Variants in TYW1B observed in about 807,000 individuals in gnomAD.
The protein encoded by TYW1B is S-adenosyl-L-methionine-dependent tRNA 4-demethylwyosine synthase TYW1B.
In TYW1B, 73 loss-of-function variants were observed where a neutral mutation model predicts 86.9. That is an observed-to-expected ratio of 0.84 (90% CI 0.70 to 1.02). TYW1B has a LOEUF of 1.02. Among genes scored for constraint, TYW1B ranks in the 50% least tolerant of loss-of-function variants. The pLI, the probability that TYW1B is intolerant of heterozygous loss-of-function variation, is 0.00. For synonymous variants in TYW1B, 248 were observed against 292.8 expected (o/e 0.85, Z 1.56); for missense variants, 637 against 827.4 (o/e 0.77, Z 2.82).
chr7:72,718,009 TG>T (rs1563070593), intron 9 of TYW1B, among the ~76,000 whole-genome samples: 1 of 152,124 alleles, frequency 6.6e-6, no homozygotes, highest in African/African-American at 2.4e-5. Context: ...AAAAAAAACC[TG>T]TACCCACTCG....
At chr7:72,622,941 A>G (rs1484966416) in intron 12 of TYW1B, among the ~76,000 whole-genome samples, 15 of 152,284 alleles carry the variant, frequency 9.9e-5, no homozygotes, top group Non-Finnish European at 2.1e-4. Context: ...TCCTGACCCA[A>G]GGGTTGTTCA....
chr7:72,786,020 A>ATTGCATGAACCCGGGT (rs1788123650), intron 6 of TYW1B, among the ~76,000 whole-genome samples: 1 of 151,756 alleles, frequency 6.6e-6, no homozygotes, highest in Non-Finnish European at 1.5e-5. Context: ...GCTGAGGCAG[A>ATTGCATGAACCCGGGT]ATTGCATGAA....
At chr7:72,622,849 C>T (rs572487481) in intron 12 of TYW1B, among the ~76,000 whole-genome samples, 1 of 152,036 alleles carries the variant, frequency 6.6e-6, no homozygotes, top group South Asian at 2.1e-4. Flanking sequence ...CACAAACACA[C>T]CACGCACTCA....
intron 13 of TYW1B, 36 bp from the exon 14 acceptor site, chr7:72,575,755 A>G (rs1356436196): frequency 6.3e-7 from 1 of 1,584,628 alleles, no homozygotes; most frequent in Non-Finnish European, 8.6e-7. Context: ...CAGAAGTAAA[A>G]ACATCCCTAG....
At chr7:72,812,170 T>C (rs1788634099) in intron 3 of TYW1B, among the ~76,000 whole-genome samples, 1 of 150,690 alleles carries the variant, frequency 6.6e-6, no homozygotes, top group Non-Finnish European at 1.5e-5. Context: ...ATATACATAA[T>C]GATGTACCTT....
chr7:72,657,201 T>C (rs1212419727), intron 11 of TYW1B, among the ~76,000 whole-genome samples: 1 of 152,030 alleles, frequency 6.6e-6, no homozygotes, highest in Non-Finnish European at 1.5e-5. Flanking sequence ...ATTTAATGAA[T>C]GAAATAAAAA....
intron 8 of TYW1B, among the ~76,000 whole-genome samples, chr7:72,731,759 C>A (rs1458227327): frequency 6.6e-6 from 1 of 151,974 alleles, no homozygotes; most frequent in African/African-American, 2.4e-5. Context: ...CTGGCCAACA[C>A]GGTGAAACCA....
At chr7:72,767,083 T>C (rs1787783309) in intron 7 of TYW1B, among the ~76,000 whole-genome samples, 1 of 151,612 alleles carries the variant, frequency 6.6e-6, no homozygotes, top group Non-Finnish European at 1.5e-5. Flanking sequence ...ATGAGGAGAG[T>C]TATCTTGTGT....
chr7:72,633,227 A>T (rs1200768858), intron 11 of TYW1B, among the ~76,000 whole-genome samples: 1 of 152,214 alleles, frequency 6.6e-6, no homozygotes, highest in Non-Finnish European at 1.5e-5. Flanking sequence ...GCATAAATAC[A>T]GTTGCCAGGA....
intron 7 of TYW1B, among the ~76,000 whole-genome samples, chr7:72,772,200 G>A (rs1226844879): frequency 6.6e-6 from 1 of 151,816 alleles, no homozygotes; most frequent in Non-Finnish European, 1.5e-5. Context: ...TAACCTCTCT[G>A]TCTCTAACAG....
intron 7 of TYW1B, among the ~76,000 whole-genome samples, chr7:72,746,055 G>T: frequency 6.6e-6 from 1 of 151,896 alleles, no homozygotes; most frequent in African/African-American, 2.4e-5. Context: ...GTAGATACAG[G>T]GTTTTGCCAT....
intron 11 of TYW1B, among the ~76,000 whole-genome samples, chr7:72,643,591 GA>G (rs1289493572): frequency 7.0e-6 from 1 of 142,938 alleles, no homozygotes; most frequent in Admixed American, 7.0e-5. Context: ...CATCTTAAAA[GA>G]AAAAAAGAAA....
intron 11 of TYW1B, among the ~76,000 whole-genome samples, chr7:72,660,404 AAGG>A (rs1349303066): frequency 2.6e-5 from 4 of 152,054 alleles, no homozygotes; most frequent in Admixed American, 1.3e-4. Context: ...CAAACAAAAA[AAGG>A]AGCAGCAGCA....
intron 5 of TYW1B, among the ~76,000 whole-genome samples, chr7:72,806,282 C>G (rs1788493668): frequency 6.8e-6 from 1 of 147,556 alleles, no homozygotes; most frequent in Non-Finnish European, 1.5e-5. Context: ...GTCACCCAGG[C>G]TGGAGTGCAG....
intron 11 of TYW1B, among the ~76,000 whole-genome samples, chr7:72,671,706 T>C (rs1193988268): frequency 6.6e-6 from 1 of 152,142 alleles, no homozygotes; most frequent in African/African-American, 2.4e-5. Context: ...TATTGGCTTA[T>C]AGGTCTTTAT....
At chr7:72,587,048 T>C (rs1308465894) in intron 13 of TYW1B, among the ~76,000 whole-genome samples, 1 of 152,222 alleles carries the variant, frequency 6.6e-6, no homozygotes, top group Non-Finnish European at 1.5e-5. Context: ...TGTCAATTAT[T>C]ATTTTCTAAA....
intron 10 of TYW1B, among the ~76,000 whole-genome samples, chr7:72,708,082 C>A (rs1554453999): frequency 6.6e-6 from 1 of 152,152 alleles, no homozygotes; most frequent in Non-Finnish European, 1.5e-5. Context: ...AACCTCTTTT[C>A]TTCACAAATT....
At chr7:72,750,649 T>G (rs1177074208) in intron 7 of TYW1B, among the ~76,000 whole-genome samples, 1 of 152,182 alleles carries the variant, frequency 6.6e-6, no homozygotes, top group South Asian at 2.1e-4. Context: ...CTTCAAATAC[T>G]CTTTCAGCAC....
intron 11 of TYW1B, among the ~76,000 whole-genome samples, chr7:72,654,835 T>G (rs1813160182): frequency 1.3e-5 from 2 of 152,028 alleles, no homozygotes; most frequent in African/African-American, 4.8e-5. Flanking sequence ...GAGCCGAGAT[T>G]GTGCCATTGC....
Sources: gnomAD v4.1 joint callset for allele counts (sites outside exome capture counted in the v4.1 genomes callset) on GRCh38, gnomAD v4.1.1 for gene constraint, MANE v1.5 for transcripts, NCBI Gene and HGNC (gene_info 2026-07-23, HGNC 2026-07-21) for gene names.